The following FIRRM variants were observed in gnomAD, a reference collection of about 807,000 sequenced individuals.
FIRRM encodes FIGNL1 interacting regulator of recombination and mitosis.
the FIRRM span, chr1:169,852,129 ATTCT>A: frequency 1.5e-6 from 1 of 682,042 alleles, no homozygotes; most frequent in Non-Finnish European, 2.5e-6. Context: ...TATCAAATAT[ATTCT>A]TTCAGTATGT....
the FIRRM span, among the ~76,000 whole-genome samples, chr1:169,788,155 C>T: frequency 6.6e-6 from 1 of 152,188 alleles, no homozygotes; most frequent in Non-Finnish European, 1.5e-5. Flanking sequence ...ACATGCAATT[C>T]TATTGTAAAG....
chr1:169,801,039 T>C, the FIRRM span: 1 of 757,446 alleles, frequency 1.3e-6, no homozygotes, highest in Non-Finnish European at 2.2e-6. Flanking sequence ...GATTTATTAT[T>C]AATTATGGCT....
the FIRRM span, among the ~76,000 whole-genome samples, chr1:169,816,032 A>G: frequency 6.6e-6 from 1 of 152,216 alleles, no homozygotes; most frequent in Non-Finnish European, 1.5e-5. Context: ...AAAAAAGATG[A>G]TATCTGGAAG....
the FIRRM span, chr1:169,850,193 T>G: frequency 9.8e-7 from 1 of 1,015,938 alleles, no homozygotes; most frequent in Non-Finnish European, 1.5e-6. Context: ...AGGTAGCTCA[T>G]AAAACTCATC....
At chr1:169,835,409 G>A in the FIRRM span, among the ~76,000 whole-genome samples, 2 of 152,206 alleles carry the variant, frequency 1.3e-5, no homozygotes, top group Non-Finnish European at 2.9e-5. Flanking sequence ...ATACAAGGAG[G>A]TTACCTACTT....
the FIRRM span, chr1:169,851,843 T>C: frequency 1.2e-6 from 2 of 1,613,896 alleles, no homozygotes; most frequent in Non-Finnish European, 1.7e-6. Context: ...AAACTGAAGC[T>C]GCCAAAGTGG....
At chr1:169,793,513 C>T in the FIRRM span, 1 of 1,614,138 alleles carries the variant, frequency 6.2e-7, no homozygotes, top group East Asian at 2.2e-5. Context: ...ACTTATGTTC[C>T]CACAAGTGAT....
the FIRRM span, chr1:169,794,819 G>A: frequency 4.7e-6 from 2 of 424,394 alleles, no homozygotes; most frequent in South Asian, 2.6e-5. Flanking sequence ...CCAGACCTGG[G>A]GATGCTTGCT....
the FIRRM span, chr1:169,803,117 T>G: frequency 1.9e-6 from 3 of 1,569,594 alleles, no homozygotes; most frequent in Non-Finnish European, 2.6e-6. Flanking sequence ...ACTAATACCT[T>G]TTCAGTGCAC....
the FIRRM span, among the ~76,000 whole-genome samples, chr1:169,796,883 T>C: frequency 2.0e-5 from 3 of 152,230 alleles, no homozygotes; most frequent in African/African-American, 7.2e-5. Flanking sequence ...CATGTTTATG[T>C]CTTGGCCCAA....
At chr1:169,852,947 G>C in the FIRRM span, 5,905 of 1,614,066 alleles carry the variant, frequency 3.7e-3, 19 homozygotes, top group Non-Finnish European at 4.6e-3. Flanking sequence ...CTCCAAGAAA[G>C]GATGGATAAG....
chr1:169,845,212 G>C, the FIRRM span, among the ~76,000 whole-genome samples: 2 of 152,096 alleles, frequency 1.3e-5, no homozygotes, highest in African/African-American at 4.8e-5. Flanking sequence ...TATACTGTAG[G>C]TTGTGTATAA....
At chr1:169,840,264 G>A in the FIRRM span, among the ~76,000 whole-genome samples, 3 of 152,074 alleles carry the variant, frequency 2.0e-5, no homozygotes, top group East Asian at 3.8e-4. Context: ...GTGAAAAATG[G>A]TGTCAATAGT....
the FIRRM span, among the ~76,000 whole-genome samples, chr1:169,787,408 T>C: frequency 6.6e-6 from 1 of 152,190 alleles, no homozygotes; most frequent in Non-Finnish European, 1.5e-5. Flanking sequence ...ACCTCAAAAG[T>C]CACTATCTCC....
chr1:169,807,942 C>T, the FIRRM span: 1 of 1,596,612 alleles, frequency 6.3e-7, no homozygotes, highest in Non-Finnish European at 8.5e-7. Flanking sequence ...AAAATTTGGG[C>T]TAATAGCATT....
chr1:169,795,307 G>T, the FIRRM span: 1 of 1,444,240 alleles, frequency 6.9e-7, no homozygotes, highest in Non-Finnish European at 9.3e-7. Flanking sequence ...CGCCAGGCTG[G>T]GTTATATTAC....
chr1:169,799,903 A>T, the FIRRM span, among the ~76,000 whole-genome samples: 1 of 152,146 alleles, frequency 6.6e-6, no homozygotes, highest in South Asian at 2.1e-4. Context: ...TCTATTGCCC[A>T]GGCTGGAGAG....
chr1:169,785,730 A>T, the FIRRM span, among the ~76,000 whole-genome samples: 55,463 of 151,906 alleles, frequency 0.37, 10,752 homozygotes, highest in Middle Eastern at 0.5. Flanking sequence ...TTTAGGTGCA[A>T]AAAACAGGAA....
the FIRRM span, among the ~76,000 whole-genome samples, chr1:169,844,451 A>G: frequency 2.0e-5 from 3 of 152,260 alleles, no homozygotes; most frequent in African/African-American, 7.2e-5. Flanking sequence ...AAGAAAGATA[A>G]ACAATAACTG....
Sources: gnomAD v4.1 joint callset for allele counts (sites outside exome capture counted in the v4.1 genomes callset) on GRCh38, gnomAD v4.1.1 for gene constraint, MANE v1.5 for transcripts, NCBI Gene and HGNC (gene_info 2026-07-23, HGNC 2026-07-21) for gene names.